The following GALNTL6 variants were observed in gnomAD, a reference collection of about 807,000 sequenced individuals.
The protein encoded by GALNTL6 is polypeptide N-acetylgalactosaminyltransferase-like 6.
A neutral mutation model predicts 73.7 loss-of-function variants in GALNTL6; 46 were observed. The ratio of observed to expected loss-of-function variants is 0.62; its 90% confidence interval spans 0.49 to 0.80. GALNTL6 has a LOEUF of 0.80. Among genes scored for constraint, GALNTL6 ranks in the 30% least tolerant of loss-of-function variants. The probability of loss-of-function intolerance (pLI) is 0.00; values close to 1 mark genes in which losing one functional copy is unlikely to be tolerated. For synonymous variants in GALNTL6, 259 were observed against 263.7 expected (o/e 0.98, Z 0.17); for missense variants, 604 against 755.0 (o/e 0.80, Z 2.34).
At chr4:172,503,526 G>A (rs867697329) in intron 5 of GALNTL6, among the ~76,000 whole-genome samples, 7 of 85,940 alleles carry the variant, frequency 8.1e-5, no homozygotes, top group African/African-American at 2.5e-4. Flanking sequence ...ACATAGAGTA[G>A]TATATATATA....
At chr4:172,083,285 C>T (rs779932279) in intron 2 of GALNTL6, among the ~76,000 whole-genome samples, 1 of 152,180 alleles carries the variant, frequency 6.6e-6, no homozygotes, top group Non-Finnish European at 1.5e-5. Flanking sequence ...CAAGACAGTT[C>T]TCAAGAGACT....
intron 5 of GALNTL6, among the ~76,000 whole-genome samples, chr4:172,801,989 T>A (rs546814815): frequency 1.3e-5 from 2 of 152,366 alleles, no homozygotes; most frequent in Middle Eastern, 3.4e-3. Context: ...GCCATGTTTC[T>A]TAAGTGTCTC....
chr4:172,233,878 A>G (rs1359486708), intron 3 of GALNTL6, among the ~76,000 whole-genome samples: 1 of 152,038 alleles, frequency 6.6e-6, no homozygotes, highest in Admixed American at 6.5e-5. Context: ...GATATTTTCC[A>G]ATATAGAATA....
chr4:173,035,678 C>T (rs1351433671), intron 12 of GALNTL6, among the ~76,000 whole-genome samples: 1 of 152,246 alleles, frequency 6.6e-6, no homozygotes, highest in East Asian at 1.9e-4. Context: ...GATACAAGAT[C>T]TGATCATAAT....
intron 2 of GALNTL6, among the ~76,000 whole-genome samples, chr4:171,923,826 G>GTGTGTGTT (rs1737882151): frequency 6.9e-6 from 1 of 144,928 alleles, no homozygotes; most frequent in Admixed American, 7.0e-5. Context: ...GTGTGTGTGT[G>GTGTGTGTT]TTTGAAGTTC....
intron 10 of GALNTL6, among the ~76,000 whole-genome samples, chr4:172,986,355 A>C (rs921912446): frequency 6.6e-6 from 1 of 152,210 alleles, no homozygotes; most frequent in Non-Finnish European, 1.5e-5. Flanking sequence ...TTAGCACAGC[A>C]CTTCAGTGAG....
At chr4:172,763,068 C>T (rs1738211368) in intron 5 of GALNTL6, among the ~76,000 whole-genome samples, 1 of 151,894 alleles carries the variant, frequency 6.6e-6, no homozygotes, top group African/African-American at 2.4e-5. Flanking sequence ...CACCATTTAC[C>T]GACACAGAGC....
intron 2 of GALNTL6, among the ~76,000 whole-genome samples, chr4:172,122,524 C>T (rs1733179582): frequency 6.6e-6 from 1 of 152,164 alleles, no homozygotes; most frequent in Non-Finnish European, 1.5e-5. Flanking sequence ...AGCTTCAGTA[C>T]AGACCAGTTC....
chr4:172,012,502 A>G (rs1741044943), intron 2 of GALNTL6, among the ~76,000 whole-genome samples: 2 of 152,056 alleles, frequency 1.3e-5, no homozygotes. Flanking sequence ...CTACTATCAG[A>G]AGCCCTATTC....
intron 2 of GALNTL6, among the ~76,000 whole-genome samples, chr4:172,037,509 A>G (rs948588128): frequency 3.3e-5 from 5 of 152,126 alleles, no homozygotes; most frequent in African/African-American, 1.2e-4. Context: ...ACATAAAAAC[A>G]CTAAAAATGC....
intron 5 of GALNTL6, among the ~76,000 whole-genome samples, chr4:172,417,695 C>A (rs796167179): frequency 1.2e-4 from 18 of 151,880 alleles, no homozygotes; most frequent in Admixed American, 2.0e-4. Context: ...AAAGATATTG[C>A]GATTGTTTTT....
chr4:172,379,759 T>G (rs1238146612), intron 5 of GALNTL6, among the ~76,000 whole-genome samples: 1 of 152,144 alleles, frequency 6.6e-6, no homozygotes, highest in Non-Finnish European at 1.5e-5. Context: ...TAAACCAGGC[T>G]TGGGGAAATG....
intron 7 of GALNTL6, among the ~76,000 whole-genome samples, chr4:172,835,345 AG>A (rs1484562731): frequency 6.6e-6 from 1 of 152,226 alleles, no homozygotes; most frequent in Non-Finnish European, 1.5e-5. Context: ...AAGGATGAGG[AG>A]GTTTTGGAAA....
chr4:172,432,187 A>G (rs1298940219), intron 5 of GALNTL6, among the ~76,000 whole-genome samples: 1 of 151,974 alleles, frequency 6.6e-6, no homozygotes, highest in Non-Finnish European at 1.5e-5. Context: ...ACAGTGTTGA[A>G]GCTGAAAAGA....
chr4:172,532,242 A>G (rs1382554106), intron 5 of GALNTL6, among the ~76,000 whole-genome samples: 2 of 152,212 alleles, frequency 1.3e-5, no homozygotes, highest in Non-Finnish European at 2.9e-5. Context: ...GTCCTAATGT[A>G]CTTATAAGGA....
At chr4:171,893,692 A>G (rs1278681466) in intron 2 of GALNTL6, among the ~76,000 whole-genome samples, 1 of 152,200 alleles carries the variant, frequency 6.6e-6, no homozygotes, top group African/African-American at 2.4e-5. Flanking sequence ...ATTTAAAAAT[A>G]TTTAAGAACT....
chr4:172,691,046 G>T (rs940219690), intron 5 of GALNTL6, among the ~76,000 whole-genome samples: 1 of 152,154 alleles, frequency 6.6e-6, no homozygotes, highest in Admixed American at 6.5e-5. Context: ...GCTGAATAAA[G>T]GGCTGAAAAC....
At position 172,504,159 on chromosome 4, in the gene GALNTL6, CA is replaced by C. The variant is rs775200126; in HGVS notation, c.553+155490del. Among the ~76,000 whole-genome samples, 2 of 5,154 alleles carry C rather than the reference CA, an allele frequency of 3.9e-4. 1 individual carries two copies. Among genetic ancestry groups the C allele is most frequent in the African/African-American group, 1.1e-3 (2 of 1,820 alleles). 3.4% of individuals were successfully genotyped at this position (5,154 alleles called of 152,430 possible). On this transcript the variant is annotated intron_variant, in intron 5 of 12. Transcript: ENST00000506823. ...TGGGCAACAGAGCGAGACTCTGTCT[CA>C]AAAAAAAAAAAAAAAAAAACTCACA...
At chr4:172,120,705 G>T (rs1204258668) in intron 2 of GALNTL6, among the ~76,000 whole-genome samples, 3 of 152,124 alleles carry the variant, frequency 2.0e-5, no homozygotes. Flanking sequence ...CATAGAAAGA[G>T]AATGATAATG....
Sources: gnomAD v4.1 joint callset for allele counts (sites outside exome capture counted in the v4.1 genomes callset) on GRCh38, gnomAD v4.1.1 for gene constraint, MANE v1.5 for transcripts, NCBI Gene and HGNC (gene_info 2026-07-23, HGNC 2026-07-21) for gene names.